Variants in CANX observed in about 807,000 individuals in gnomAD.
CANX encodes the protein calnexin.
CANX carries 14 observed loss-of-function variants against 75.7 expected under a neutral mutation model. The observed-to-expected ratio is 0.19, with a 90% confidence interval of 0.12 to 0.29. The LOEUF (loss-of-function observed/expected upper bound fraction) is 0.29, where lower values mean the gene tolerates loss of function less well. CANX is among the 10% of genes least tolerant of loss of function. The pLI is 1.00. For missense variants in CANX, 567 were observed against 713.2 expected (o/e 0.79, Z 2.34); for synonymous variants, 227 against 236.9 (o/e 0.96, Z 0.38).
intron 6 of CANX, 47 bp downstream of exon 6, chr5:179,709,106 C>T (rs1035933527): frequency 1.8e-6 from 2 of 1,142,364 alleles, no homozygotes; most frequent in Non-Finnish European, 2.7e-6. Flanking sequence ...CCACTATTAC[C>T]TTGTAAGAAT....
chr5:179,715,854 T>C (rs767998829), intron 7 of CANX: 8 of 540,490 alleles, frequency 1.5e-5, no homozygotes, highest in South Asian at 1.0e-4. Context: ...ATAAGTCAAG[T>C]CTTTGGTGTT....
At chr5:179,697,299 A>G (rs1473435137), upstream of CANX, among the ~76,000 whole-genome samples, 1 of 152,088 alleles carries the variant, frequency 6.6e-6, no homozygotes, top group African/African-American at 2.4e-5. Flanking sequence ...CCTGGCCTCA[A>G]ATGATCCACC....
At chr5:179,728,442 C>T in intron 14 of CANX, 149 bp from the exon 15 acceptor site, 6 of 606,706 alleles carry the variant, frequency 9.9e-6, no homozygotes, top group Non-Finnish European at 1.8e-5. Flanking sequence ...TCTGAGACAA[C>T]CATTCTTCTT....
chr5:179,685,168 G>C (rs536339487), intron 1 of CANX, among the ~76,000 whole-genome samples: 1 of 149,248 alleles, frequency 6.7e-6, no homozygotes, highest in Non-Finnish European at 1.5e-5. Flanking sequence ...GCGCAACCTC[G>C]GGTCACTGCA....
intron 1 of CANX, chr5:179,679,296 G>T: frequency 6.7e-7 from 1 of 1,487,772 alleles, no homozygotes; most frequent in Non-Finnish European, 8.9e-7. Flanking sequence ...TGAGCAGCGT[G>T]CTTGGTACAG....
intron 11 of CANX, 115 bp from the exon 12 acceptor site, chr5:179,723,545 C>T: frequency 1.0e-6 from 1 of 992,890 alleles, no homozygotes. Flanking sequence ...AGCATTTTCT[C>T]TGAAAAAGAA....
At chr5:179,710,113 A>C in intron 7 of CANX, 48 bp downstream of exon 7, 1 of 1,119,372 alleles carries the variant, frequency 8.9e-7, no homozygotes, top group Non-Finnish European at 1.3e-6. Flanking sequence ...CATATATATC[A>C]TCCATTTAAT....
intron 1 of CANX, chr5:179,678,827 G>A: frequency 3.3e-6 from 5 of 1,536,984 alleles, no homozygotes; most frequent in Non-Finnish European, 4.4e-6. Context: ...CTGCACCTGC[G>A]CCTTCCAGCC....
intron 1 of CANX, among the ~76,000 whole-genome samples, chr5:179,691,613 T>C (rs2113050921): frequency 6.6e-6 from 1 of 152,136 alleles, no homozygotes; most frequent in East Asian, 1.9e-4. Context: ...GCAGATGTCA[T>C]TTGGCTCTGG....
intron 7 of CANX, among the ~76,000 whole-genome samples, chr5:179,710,778 T>C (rs935622431): frequency 1.4e-5 from 2 of 141,130 alleles, no homozygotes; most frequent in African/African-American, 5.2e-5. Flanking sequence ...CTCAGCCTGG[T>C]ATGGTTGCTC....
chr5:179,704,878 TTC>T, intron 1 of CANX, among the ~76,000 whole-genome samples: 1 of 152,172 alleles, frequency 6.6e-6, no homozygotes, highest in East Asian at 1.9e-4. Flanking sequence ...AAGTAGCTTG[TTC>T]TTAGTTTAAT....
intron 14 of CANX, 122 bp from the exon 15 acceptor site, chr5:179,728,469 A>T: frequency 1.6e-6 from 1 of 642,812 alleles, no homozygotes; most frequent in Admixed American, 2.6e-5. Flanking sequence ...TTTTCTTCTC[A>T]TCATTTTCCT....
intron 8 of CANX, among the ~76,000 whole-genome samples, chr5:179,716,548 T>A (rs1386626737): frequency 6.6e-6 from 1 of 152,256 alleles, no homozygotes; most frequent in Non-Finnish European, 1.5e-5. Context: ...TGTTGGTTTG[T>A]GGCAGAATCT....
chr5:179,695,366 G>C (rs13159123), upstream of CANX, among the ~76,000 whole-genome samples: 26,490 of 144,740 alleles, frequency 0.18, 2,393 homozygotes, highest in Middle Eastern at 0.31. Flanking sequence ...TTTCACTCTT[G>C]TTGCCCAGGC....
chr5:179,723,751 T>C lies in CANX; in HGVS notation c.1490T>C (p.Leu497Pro). Residue 497 changes from leucine to proline, a missense_variant, in exon 12 of 15, where the codon CTG becomes CCG. This residue lies in a region of CANX where 167 missense variants were observed against 179.3 expected (regional missense o/e 0.93). Transcript: ENST00000247461. The part of the protein sequence containing the change: ...YILTVALPVF[L>P]VILFCCSGKK... ...CTAACTGTAGCCCTTCCTGTGTTCC[T>C]GGTTATCCTCTTCTGCTGTTCTGGA... is the stretch of plus-strand genomic sequence containing the variant. The C allele has an allele frequency of 6.2e-7, 1 of 1,613,140 alleles. No individual in the cohort carries two copies. Among genetic ancestry groups the C allele is most frequent in the Non-Finnish European group, 8.5e-7 (1 of 1,179,526 alleles).
At chr5:179,698,824 C>A, upstream of CANX, 3 of 752,360 alleles carry the variant, frequency 4.0e-6, no homozygotes, top group Admixed American at 3.5e-5. Context: ...GCGTATGGGA[C>A]GGTGCGTAGA....
chr5:179,726,534 C>CTCCACAGAG (rs1349934653), intron 13 of CANX, 146 bp from the exon 14 acceptor site: 40 of 549,806 alleles, frequency 7.3e-5, no homozygotes, highest in Non-Finnish European at 1.3e-4. Flanking sequence ...CGAGATCGCG[C>CTCCACAGAG]CACTGCACTC....
At chr5:179,713,208 A>G (rs1192408769) in intron 7 of CANX, among the ~76,000 whole-genome samples, 1 of 151,606 alleles carries the variant, frequency 6.6e-6, no homozygotes, top group African/African-American at 2.4e-5. Flanking sequence ...CAGCCTCCCC[A>G]GTAGCTGGGA....
At chr5:179,688,922 C>G (rs1776243867) in intron 1 of CANX, among the ~76,000 whole-genome samples, 1 of 151,498 alleles carries the variant, frequency 6.6e-6, no homozygotes, top group Non-Finnish European at 1.5e-5. Context: ...GCACTCCAGC[C>G]TGGACAACAG....
Sources: allele counts gnomAD v4.1 joint callset (sites outside exome capture counted in the v4.1 genomes callset), GRCh38; gene constraint gnomAD v4.1.1; regional missense constraint gnomAD v4.1.1; transcripts MANE v1.5; gene names NCBI Gene and HGNC (gene_info 2026-07-23, HGNC 2026-07-21).